The following MTA3 variants were observed in gnomAD, a reference collection of about 807,000 sequenced individuals.
MTA3 encodes metastasis-associated protein MTA3.
MTA3 carries 34 observed loss-of-function variants against 83.5 expected under a neutral mutation model. The observed-to-expected ratio is 0.41, with a 90% CI of 0.31 to 0.54. The LOEUF (loss-of-function observed/expected upper bound fraction) is 0.54. MTA3 is among the 20% of genes least tolerant of loss of function. The pLI is 0.33. For missense variants in MTA3, 761 were observed against 726.4 expected (o/e 1.05, Z -0.55); for synonymous variants, 303 against 252.7 (o/e 1.20, Z -1.89).
At chr2:42,552,023 G>A (rs907163100) in intron 2 of MTA3, among the ~76,000 whole-genome samples, 1 of 152,038 alleles carries the variant, frequency 6.6e-6, no homozygotes, top group Admixed American at 6.6e-5. Context: ...ACCGTGCCTG[G>A]CCTGTTTGTT....
At chr2:42,506,464 T>C (rs943109984) in intron 2 of MTA3, among the ~76,000 whole-genome samples, 23 of 151,916 alleles carry the variant, frequency 1.5e-4, no homozygotes, top group African/African-American at 5.5e-4. Context: ...AAATATTATA[T>C]ATATATATTT....
intron 8 of MTA3, among the ~76,000 whole-genome samples, chr2:42,679,707 G>A (rs551289267): frequency 7.9e-5 from 12 of 152,282 alleles, no homozygotes; most frequent in South Asian, 2.1e-4. Context: ...AAGAATGGCT[G>A]TACTCGTTTT....
chr2:42,659,189 T>C (rs955697895), intron 7 of MTA3, among the ~76,000 whole-genome samples: 3 of 152,192 alleles, frequency 2.0e-5, no homozygotes, highest in Non-Finnish European at 2.9e-5. Flanking sequence ...CATTTTATGC[T>C]GTATGTGTTA....
intron 2 of MTA3, among the ~76,000 whole-genome samples, chr2:42,525,792 G>A (rs1052714875): frequency 1.3e-5 from 2 of 151,562 alleles, no homozygotes; most frequent in African/African-American, 4.9e-5. Flanking sequence ...CAAGAAGCTG[G>A]GACCACAGGT....
intron 4 of MTA3, among the ~76,000 whole-genome samples, chr2:42,621,537 A>G (rs1382293576): frequency 6.6e-6 from 1 of 152,242 alleles, no homozygotes; most frequent in Non-Finnish European, 1.5e-5. Context: ...TTCTTTCTAC[A>G]CAGACACAGC....
chr2:42,536,119 C>CA (rs777611979), intron 2 of MTA3, among the ~76,000 whole-genome samples: 1,286 of 113,716 alleles, frequency 0.011, 13 homozygotes, highest in African/African-American at 0.034. Flanking sequence ...CTCTCTCTCT[C>CA]AAAAAAAAAA....
intron 15 of MTA3, 40 bp downstream of exon 15, chr2:42,719,114 T>G (rs1449921328): frequency 1.4e-6 from 2 of 1,402,680 alleles, no homozygotes; most frequent in Non-Finnish European, 2.0e-6. Context: ...AAAGAGCAAT[T>G]TCTGAATAGT....
chr2:42,594,655 T>A (rs12712853), intron 3 of MTA3, among the ~76,000 whole-genome samples: 74 of 9,832 alleles, frequency 7.5e-3, no homozygotes, highest in African/African-American at 0.051. Context: ...TATATATAAA[T>A]ATATATATAC....
At position 42,615,759 on chromosome 2, in the gene MTA3, C is replaced by T. The variant is rs1335957958; in HGVS notation, c.317+6175C>T. Among the ~76,000 whole-genome samples the T allele has an allele frequency of 1.6e-4, 18 of 113,326 alleles. No individual in the cohort carries two copies. The South Asian group carries it at 2.5e-3, about 16-fold the overall frequency. 74.3% of individuals were successfully genotyped at this position (113,326 alleles called of 152,430 possible). ...TTTTTGAGACGGAGTCTCGCTCTGTCGCCCAGGCTGGAGTGTGGTGGCCTG... is the reference window on the plus strand; with the variant it reads ...TTTTTGAGACGGAGTCTCGCTCTGTTGCCCAGGCTGGAGTGTGGTGGCCTG... On this transcript the variant is annotated intron_variant, in intron 4 of 16. Coordinates refer to ENST00000405094, the MANE Select transcript of MTA3 (RefSeq NM_001330442.2).
chr2:42,636,033 T>G (rs1012222064), intron 4 of MTA3, among the ~76,000 whole-genome samples: 3 of 152,170 alleles, frequency 2.0e-5, no homozygotes, highest in Non-Finnish European at 4.4e-5. Context: ...CCTTATAGAA[T>G]GCTAGGATTA....
In MTA3 at chr2:42,659,859, C is replaced by T; in HGVS notation, c.699C>T (p.Thr233=). The T allele has an allele frequency of 1.3e-6, 2 of 1,596,786 alleles. No individual in the cohort carries two copies. The highest frequency in any genetic ancestry group is 1.7e-6 in the Non-Finnish European group (2 of 1,172,082). The part of the protein sequence containing the change: ...MSAAAASRDI[T]LFHAMDTLYR... ...CTGCTGCAGCTTCCCGAGACATCAC[C>T]TTGGTAAGACATGGTTTGAAATTTT... is the stretch of plus-strand genomic sequence containing the variant. The change falls in exon 8 of 17, where the codon ACC becomes ACT. Residue 233 remains threonine, a synonymous_variant. Coordinates refer to ENST00000405094, the MANE Select transcript of MTA3 (RefSeq NM_001330442.2).
At chr2:42,509,066 G>A (rs1487222931) in intron 2 of MTA3, among the ~76,000 whole-genome samples, 1 of 151,136 alleles carries the variant, frequency 6.6e-6, no homozygotes, top group South Asian at 2.1e-4. Context: ...TTTTTGTGAC[G>A]GAGTCTTGCT....
chr2:42,653,702 C>T (rs1688916950), intron 6 of MTA3, among the ~76,000 whole-genome samples: 1 of 152,126 alleles, frequency 6.6e-6, no homozygotes. Flanking sequence ...ATTTAGAATT[C>T]TTCTAAGTCT....
At chr2:42,541,703 A>G (rs1332300025) in intron 2 of MTA3, among the ~76,000 whole-genome samples, 1 of 152,210 alleles carries the variant, frequency 6.6e-6, no homozygotes, top group Non-Finnish European at 1.5e-5. Flanking sequence ...TGTGCCATTC[A>G]GTAACCTTGT....
chr2:42,601,008 G>T (rs551796589), intron 3 of MTA3, among the ~76,000 whole-genome samples: 1 of 152,122 alleles, frequency 6.6e-6, no homozygotes, highest in South Asian at 2.1e-4. Context: ...CCGGGTTCAG[G>T]TAATTCTCCT....
chr2:42,518,917 G>A (rs1675282062), intron 2 of MTA3, among the ~76,000 whole-genome samples: 2 of 150,546 alleles, frequency 1.3e-5, no homozygotes. Flanking sequence ...AGTGAGCCAT[G>A]ACTGAGTCAC....
At chr2:42,741,913 T>C (rs1038937232) in intron 16 of MTA3, among the ~76,000 whole-genome samples, 2 of 152,182 alleles carry the variant, frequency 1.3e-5, no homozygotes, top group African/African-American at 2.4e-5. Flanking sequence ...ATGGTGTCAA[T>C]AGACTTGTTT....
intron 3 of MTA3, among the ~76,000 whole-genome samples, chr2:42,592,535 G>T (rs1394985265): frequency 6.6e-6 from 1 of 152,144 alleles, no homozygotes; most frequent in Admixed American, 6.6e-5. Flanking sequence ...AGTGAGCTGT[G>T]TTTGCACCAG....
chr2:42,496,110 C>A (rs1674117825), intron 2 of MTA3, among the ~76,000 whole-genome samples: 1 of 152,294 alleles, frequency 6.6e-6, no homozygotes, highest in Non-Finnish European at 1.5e-5. Context: ...CCTGTGTTCT[C>A]TCCGTAGAAT....
Sources: allele counts gnomAD v4.1 joint callset (sites outside exome capture counted in the v4.1 genomes callset), GRCh38; gene constraint gnomAD v4.1.1; transcripts MANE v1.5; gene names NCBI Gene and HGNC (gene_info 2026-07-23, HGNC 2026-07-21).